MALRD1: variants seen among roughly 807,000 people sequenced by gnomAD.
MALRD1 encodes MAM and LDL receptor class A domain containing 1.
MALRD1 carries 247 observed loss-of-function variants against 242.1 expected under a neutral mutation model. The ratio of observed to expected loss-of-function variants is 1.02; its 90% CI spans 0.92 to 1.13. The LOEUF is 1.13. MALRD1 is among the 50% of genes most tolerant of loss of function. The pLI is 0.00. For synonymous variants in MALRD1, 995 were observed against 866.6 expected, an observed-to-expected ratio of 1.15 and a Z score of -2.60; for missense variants, 2,989 against 2,533.1, an observed-to-expected ratio of 1.18 and a Z score of -3.86.
chr10:19,096,500 C>T (rs1412642702), intron 4 of MALRD1, among the ~76,000 whole-genome samples: 1 of 152,314 alleles, frequency 6.6e-6, no homozygotes, highest in Non-Finnish European at 1.5e-5. Flanking sequence ...CCTTCGGCTA[C>T]ACCAGCCTTT....
intron 32 of MALRD1, among the ~76,000 whole-genome samples, chr10:19,563,670 T>G (rs1409917813): frequency 2.0e-5 from 3 of 152,172 alleles, no homozygotes; most frequent in African/African-American, 7.2e-5. Context: ...CCAGGAGTGT[T>G]TGGAAACTGC....
chr10:19,088,050 A>G lies in MALRD1; in HGVS notation c.462A>G (p.Gln154=), dbSNP rs1051484132. ...CQITFYYFSC[Q]VSGKLMVGLQ... is the part of the protein sequence containing the mutation. ...TTACATTTTATTACTTCTCCTGCCAAGTGAGTGGCAAATTAATGGTTGGGC... is the reference window on the plus strand; with the variant it reads ...TTACATTTTATTACTTCTCCTGCCAGGTGAGTGGCAAATTAATGGTTGGGC... The change falls in exon 4 of 40, where the codon CAA becomes CAG. Residue 154 remains glutamine, a synonymous_variant. Coordinates refer to ENST00000454679, the MANE Select transcript of MALRD1 (RefSeq NM_001142308.3). 2 of 1,233,522 alleles carry G rather than the reference A, an allele frequency of 1.6e-6. No individual in the cohort carries two copies. The highest frequency in any genetic ancestry group is 1.0e-6 in the Non-Finnish European group (1 of 987,918). The allele number at this position is 1,233,522 out of a possible 1,614,324, so 76.4% of individuals were successfully genotyped here.
At chr10:19,250,048 C>G (rs1210538218) in intron 18 of MALRD1, among the ~76,000 whole-genome samples, 3 of 151,754 alleles carry the variant, frequency 2.0e-5, no homozygotes, top group African/African-American at 7.3e-5. Context: ...CAACTCCTTT[C>G]CTTAAATATT....
chr10:19,558,673 G>T (rs1294894457), intron 32 of MALRD1, among the ~76,000 whole-genome samples: 1 of 152,060 alleles, frequency 6.6e-6, no homozygotes, highest in East Asian at 1.9e-4. Context: ...ATCTTCATGA[G>T]AAATGTTGGT....
At chr10:19,324,609 T>TAAA (rs397707570) in intron 22 of MALRD1, among the ~76,000 whole-genome samples, 13 of 149,402 alleles carry the variant, frequency 8.7e-5, no homozygotes, top group Non-Finnish European at 1.3e-4. Context: ...ATTTTTTTTT[T>TAAA]AAAAAAAAAC....
At chr10:19,595,066 T>C in intron 33 of MALRD1, 128 bp from the exon 34 acceptor site, 1 of 926,552 alleles carries the variant, frequency 1.1e-6, no homozygotes. Flanking sequence ...TAATCCTAAT[T>C]AGAAATTAAT....
At chr10:19,347,748 A>T in intron 24 of MALRD1, 23 bp from the exon 25 acceptor site, 10 of 1,548,728 alleles carry the variant, frequency 6.5e-6, no homozygotes, top group Non-Finnish European at 7.0e-6. Flanking sequence ...TTTCTGTAAC[A>T]TATATTTGGA....
chr10:19,498,334 A>G, intron 30 of MALRD1, 151 bp from the exon 31 acceptor site: 1 of 681,446 alleles, frequency 1.5e-6, no homozygotes, highest in Non-Finnish European at 2.3e-6. Flanking sequence ...CAATTAAAAT[A>G]TTAACAATGA....
chr10:19,412,412 A>T (rs1427649190), intron 28 of MALRD1, among the ~76,000 whole-genome samples: 1 of 152,248 alleles, frequency 6.6e-6, no homozygotes, highest in Non-Finnish European at 1.5e-5. Context: ...CCCATCAACC[A>T]GAAAGGAAAA....
At chr10:19,591,473 C>A (rs1001092841) in intron 33 of MALRD1, among the ~76,000 whole-genome samples, 17 of 145,602 alleles carry the variant, frequency 1.2e-4, no homozygotes, top group African/African-American at 3.8e-4. Context: ...TTACTTCTTT[C>A]TTTCCTTCCT....
chr10:19,588,827 G>T (rs1476481024), intron 33 of MALRD1, among the ~76,000 whole-genome samples: 1 of 152,086 alleles, frequency 6.6e-6, no homozygotes, highest in Non-Finnish European at 1.5e-5. Flanking sequence ...ATTTTTAGTA[G>T]AGATAGGGTT....
intron 14 of MALRD1, among the ~76,000 whole-genome samples, chr10:19,203,233 C>T (rs1222128886): frequency 2.0e-5 from 3 of 152,094 alleles, no homozygotes; most frequent in African/African-American, 4.8e-5. Flanking sequence ...GCATATAACA[C>T]TTTGTGAAAT....
At chr10:19,697,667 T>G (rs1286403655) in intron 38 of MALRD1, among the ~76,000 whole-genome samples, 2 of 152,208 alleles carry the variant, frequency 1.3e-5, no homozygotes, top group Admixed American at 6.6e-5. Flanking sequence ...TGGAAGTTAT[T>G]GAGAGGACCC....
chr10:19,315,681 T>A (rs1398761978), intron 21 of MALRD1, among the ~76,000 whole-genome samples: 1 of 132,420 alleles, frequency 7.6e-6, no homozygotes, highest in Admixed American at 8.2e-5. Flanking sequence ...AGTTATATAT[T>A]ATATATAATT....
chr10:19,311,321 T>C (rs1490448300), intron 21 of MALRD1, among the ~76,000 whole-genome samples: 1 of 151,388 alleles, frequency 6.6e-6, no homozygotes, highest in East Asian at 1.9e-4. Flanking sequence ...CAGAAAAATG[T>C]CTTGAGCTAG....
chr10:19,523,038 G>C (rs10494863), intron 31 of MALRD1, among the ~76,000 whole-genome samples: 5,472 of 152,204 alleles, frequency 0.036, 180 homozygotes, highest in African/African-American at 0.091. Flanking sequence ...CAGGAGAGTA[G>C]CACTAATTTG....
chr10:19,130,805 T>C (rs1833072301), intron 8 of MALRD1, among the ~76,000 whole-genome samples: 1 of 152,148 alleles, frequency 6.6e-6, no homozygotes, highest in Non-Finnish European at 1.5e-5. Flanking sequence ...CTGGTGGCTT[T>C]AGAACCATAC....
At chr10:19,233,635 C>T (rs1838177479) in intron 18 of MALRD1, among the ~76,000 whole-genome samples, 1 of 150,928 alleles carries the variant, frequency 6.6e-6, no homozygotes, top group Non-Finnish European at 1.5e-5. Context: ...TGATTTCCAA[C>T]ATGGTGACTC....
intron 14 of MALRD1, among the ~76,000 whole-genome samples, chr10:19,184,947 G>A (rs563024512): frequency 6.6e-6 from 1 of 152,106 alleles, no homozygotes; most frequent in Admixed American, 6.5e-5. Flanking sequence ...CTGTGGCAGT[G>A]TCCCTGTGTT....
Sources: allele counts gnomAD v4.1 joint callset (sites outside exome capture counted in the v4.1 genomes callset), GRCh38; gene constraint gnomAD v4.1.1; transcripts MANE v1.5; gene names NCBI Gene and HGNC (gene_info 2026-07-23, HGNC 2026-07-21).